The following PCBP3 variants were observed in gnomAD, a reference collection of about 807,000 sequenced individuals.
The protein encoded by PCBP3 is poly(rC)-binding protein 3.
A neutral mutation model predicts 52.7 loss-of-function variants in PCBP3; 25 were observed. The observed-to-expected ratio is 0.47, with a 90% CI of 0.35 to 0.66. PCBP3 has a LOEUF of 0.66. Ranked by LOEUF, PCBP3 falls within the 30% of genes least tolerant of loss-of-function variation. The pLI, the probability that PCBP3 is intolerant of heterozygous loss-of-function variation, is 0.01. For missense variants in PCBP3, 391 were observed against 490.3 expected (o/e 0.80, Z 1.91); for synonymous variants, 162 against 183.0 (o/e 0.89, Z 0.93).
chr21:45,713,906 G>C (rs889663072), intron 2 of PCBP3, among the ~76,000 whole-genome samples: 1 of 152,174 alleles, frequency 6.6e-6, no homozygotes, highest in Non-Finnish European at 1.5e-5. Context: ...CTTATGAAAG[G>C]GGCCTGTTGC....
At chr21:45,879,578 C>G (rs1049011287) in intron 5 of PCBP3, among the ~76,000 whole-genome samples, 7 of 151,970 alleles carry the variant, frequency 4.6e-5, no homozygotes, top group Non-Finnish European at 8.8e-5. Context: ...AAAACTAAAG[C>G]CTAACAAATT....
At chr21:45,801,418 G>T (rs1351647996) in intron 4 of PCBP3, among the ~76,000 whole-genome samples, 1 of 152,256 alleles carries the variant, frequency 6.6e-6, no homozygotes, top group Admixed American at 6.5e-5. Context: ...AGCTGCAGAG[G>T]AGCAGATGGC....
At chr21:45,930,690 C>T (rs957176788) in intron 14 of PCBP3, 96 bp from the exon 15 acceptor site, 8 of 648,738 alleles carry the variant, frequency 1.2e-5, no homozygotes, top group African/African-American at 7.2e-5. Context: ...AGCGCCGGTG[C>T]GTGCGCCAGT....
At position 45,941,208 on chromosome 21, in the gene PCBP3, G is replaced by A. The variant is rs181824531; in HGVS notation, c.1080-462G>A. Among the ~76,000 whole-genome samples, 803 of 152,338 alleles carry A rather than the reference G, an allele frequency of 5.3e-3. 7 individuals carry two copies. The highest frequency in any genetic ancestry group is 0.026 in the South Asian group (125 of 4,830). ...AAAGTGCAGCATTGGCAAACCCAGG[G>A]CGAGCCTGGGGATGGGGCTTGTCAG... On this transcript the variant is annotated intron_variant, in intron 17 of 17. Transcript: ENST00000681687.
intron 4 of PCBP3, among the ~76,000 whole-genome samples, chr21:45,782,215 T>A (rs1186150610): frequency 6.6e-6 from 1 of 152,030 alleles, no homozygotes; most frequent in East Asian, 1.9e-4. Context: ...ACGTGAGAAA[T>A]AGACCCAGAG....
In PCBP3 at chr21:45,917,364, C is replaced by CA; in HGVS notation, c.676-224_676-223insA. ...AACTGTTTCCCTCCCACCCGCTGAA[C>CA]TGGCCAGCTCAGCTCTGCCCGCCCA... On this transcript the variant is annotated intron_variant, in intron 12 of 17. Transcript: ENST00000681687. The surrounding 1 kb of genome is among the most constrained non-coding windows in gnomAD (Gnocchi z 5.3). The CA allele has an allele frequency of 6.0e-6, 2 of 331,230 alleles. No individual in the cohort carries two copies. Among genetic ancestry groups the CA allele is most frequent in the Middle Eastern group, 1.0e-3 (1 of 972 alleles). 20.5% of individuals were successfully genotyped at this position (331,230 alleles called of 1,614,324 possible).
At position 45,928,848 on chromosome 21, in the gene PCBP3, G is replaced by A. The variant is rs1244395977; in HGVS notation, c.718-1069G>A. On this transcript the variant is annotated intron_variant, in intron 13 of 17. Coordinates refer to ENST00000681687, the MANE Select transcript of PCBP3 (RefSeq NM_001384156.1). The surrounding 1 kb of genome is among the most constrained non-coding windows in gnomAD (Gnocchi z 4.1). ...CTGAAGGGAAAATGCTGGGGAGGTG[G>A]TGCCCTCCCCAAATGTGCCACCTCC... Among the ~76,000 whole-genome samples the A allele has an allele frequency of 2.0e-5, 3 of 152,120 alleles. No individual in the cohort carries two copies. Among genetic ancestry groups the A allele is most frequent in the Admixed American group, 1.3e-4 (2 of 15,286 alleles).
At chr21:45,834,838 G>A (rs573302725) in intron 4 of PCBP3, among the ~76,000 whole-genome samples, 5 of 152,358 alleles carry the variant, frequency 3.3e-5, no homozygotes, top group East Asian at 1.9e-4. Context: ...CACGCTTTTC[G>A]GCAGAGCCCA....
rs532799312 is a variant in PCBP3 at position 45,701,530 on chromosome 21, T to C, written c.-200+32578T>C. ...CAATAATAATGAACCCATTATATAA[T>C]AAAAACATTTTATTATTTATTTATT... On this transcript the variant is annotated intron_variant, in intron 2 of 17. Transcript: ENST00000681687. Among the ~76,000 whole-genome samples, 10 of 152,380 alleles carry C rather than the reference T, an allele frequency of 6.6e-5. No individual in the cohort carries two copies. The South Asian group carries it at 2.1e-3, about 32-fold the overall frequency.
At chr21:45,731,484 GAGGAGAGTT>G (rs146691426) in intron 2 of PCBP3, among the ~76,000 whole-genome samples, 77 of 152,352 alleles carry the variant, frequency 5.1e-4, no homozygotes, top group African/African-American at 1.7e-3. Flanking sequence ...GTGTGGTAAT[GAGGAGAGTT>G]TGCCAAAGTT....
intron 9 of PCBP3, 25 bp from the exon 10 acceptor site, chr21:45,909,330 G>A (rs770220317): frequency 6.2e-7 from 1 of 1,606,050 alleles, no homozygotes; most frequent in East Asian, 2.2e-5. Flanking sequence ...CTGAAGTGCT[G>A]CCAACACACG....
At chr21:45,711,808 G>A (rs908099216) in intron 2 of PCBP3, among the ~76,000 whole-genome samples, 1 of 152,128 alleles carries the variant, frequency 6.6e-6, no homozygotes. Context: ...CATACATTAA[G>A]GTTTAATTTT....
rs569750929 is a variant in PCBP3 at position 45,890,135 on chromosome 21, C to T, written c.11-6073C>T. 1.3e-3 allele frequency among the ~76,000 whole-genome samples: 199 copies of T among 152,322 alleles called. 2 individuals carry two copies. The highest frequency in any genetic ancestry group is 4.1e-4 in the South Asian group (2 of 4,834). On this transcript the variant is annotated intron_variant, in intron 5 of 17. Transcript: ENST00000681687. The stretch of plus-strand genomic sequence containing the variant: ...GCAGTTTCCAGCAGCTACTCTGCTG[C>T]GGGAGAGAATGGAGCAGACAGGTCA...
rs762814538 is a variant in PCBP3 at position 45,910,885 on chromosome 21, A to G, written c.472-17A>G. On this transcript the variant is annotated splice_polypyrimidine_tract_variant and intron_variant, in intron 10 of 17. Coordinates refer to ENST00000681687, the MANE Select transcript of PCBP3 (RefSeq NM_001384156.1). ...GCTGCTACCCTGGTGCTCCCTTCCA[A>G]TGTCCCCTCTCTCCAGTCCACAGGT... is the stretch of plus-strand genomic sequence containing the variant. 10 of 1,586,116 alleles carry G rather than the reference A, an allele frequency of 6.3e-6. No homozygotes were observed. Among genetic ancestry groups the G allele is most frequent in the South Asian group, 1.1e-5 (1 of 88,710 alleles).
intron 5 of PCBP3, among the ~76,000 whole-genome samples, chr21:45,892,150 G>C (rs866635289): frequency 6.6e-6 from 1 of 152,176 alleles, no homozygotes; most frequent in African/African-American, 2.4e-5. Flanking sequence ...GCAGGACCGC[G>C]GCGTCCTTCC....
chr21:45,814,124 G>A (rs983730579), intron 4 of PCBP3, among the ~76,000 whole-genome samples: 1 of 152,216 alleles, frequency 6.6e-6, no homozygotes, highest in Non-Finnish European at 1.5e-5. Flanking sequence ...ACGCAGTTGT[G>A]ACACAGTGGC....
chr21:45,682,716 A>C (rs2081925469), intron 2 of PCBP3, among the ~76,000 whole-genome samples: 1 of 152,124 alleles, frequency 6.6e-6, no homozygotes, highest in South Asian at 2.1e-4. Flanking sequence ...CAGTTGATAT[A>C]GAGAAAGATG....
At chr21:45,776,466 C>T (rs1184895243) in intron 4 of PCBP3, among the ~76,000 whole-genome samples, 1 of 144,882 alleles carries the variant, frequency 6.9e-6, no homozygotes, top group Non-Finnish European at 1.5e-5. Context: ...ACTTGAGTCT[C>T]TCTTTCTCTC....
At chr21:45,675,207 G>A (rs2081392595) in intron 2 of PCBP3, among the ~76,000 whole-genome samples, 1 of 152,218 alleles carries the variant, frequency 6.6e-6, no homozygotes, top group Admixed American at 6.5e-5. Flanking sequence ...TGTGGGGGCA[G>A]TGGGGTGGAG....
Sources: gnomAD v4.1 joint callset for allele counts (sites outside exome capture counted in the v4.1 genomes callset) on GRCh38, gnomAD v4.1.1 for gene constraint, Gnocchi (gnomAD v3.1) non-coding constraint, MANE v1.5 for transcripts, NCBI Gene and HGNC (gene_info 2026-07-23, HGNC 2026-07-21) for gene names.